Variants in CLCN7 observed in about 807,000 individuals in gnomAD.
CLCN7 encodes the protein H(+)/Cl(-) exchange transporter 7.
CLCN7 carries 60 observed loss-of-function variants against 102.1 expected under a neutral mutation model. The ratio of observed to expected loss-of-function variants is 0.59; its 90% confidence interval spans 0.48 to 0.73. CLCN7 has a LOEUF of 0.73. Ranked by LOEUF, CLCN7 falls within the 30% of genes least tolerant of loss-of-function variation. The pLI is 0.00. For missense variants in CLCN7, 962 were observed against 1,125.7 expected (o/e 0.85, Z 2.08); for synonymous variants, 560 against 490.5 (o/e 1.14, Z -1.87).
In CLCN7 at chr16:1,446,204, G is replaced by A. The variant is rs1011512218; in HGVS notation, c.*427C>T. The stretch of plus-strand genomic sequence containing the variant: ...CCCAAGTCTCGAAGACTCCACTGGT[G>A]TGGAGGCAGAGGGGCCCTTCCAGGG... On this transcript the variant is annotated 3_prime_UTR_variant, in exon 25 of 25. Coordinates refer to ENST00000382745, the MANE Select transcript of CLCN7 (RefSeq NM_001287.6). The A allele has an allele frequency of 4.8e-6, 3 of 625,850 alleles. No homozygotes were observed. The highest frequency in any genetic ancestry group is 8.5e-6 in the Non-Finnish European group (3 of 352,714). The allele number at this position is 625,850 out of a possible 1,614,324, so 38.8% of individuals were successfully genotyped here. A position where few individuals can be genotyped will look rare whatever the true frequency, so the allele number is the denominator to read the frequency against.
intron 2 of CLCN7, among the ~76,000 whole-genome samples, chr16:1,463,610 A>T (rs186921659): frequency 6.6e-6 from 1 of 152,216 alleles, no homozygotes; most frequent in Non-Finnish European, 1.5e-5. Flanking sequence ...AGTAGCTGGG[A>T]CCACAGGCGC....
Position 1,451,534 on chromosome 16 carries a change from G to C in CLCN7, c.1447+89C>G. Reference sequence around the variant, plus strand: ...AGGGATGACCCCCCAGCCCAGGGCTGCAACCTCAGCCCACAGGGGACACTC... The same window carrying C: ...AGGGATGACCCCCCAGCCCAGGGCTCCAACCTCAGCCCACAGGGGACACTC... On this transcript the variant is annotated intron_variant, in intron 16 of 24. Transcript: ENST00000382745. 2.6e-6 allele frequency: 3 copies of C among 1,139,498 alleles called. No individual in the cohort carries two copies. In the South Asian group the frequency reaches 3.8e-5, roughly 15 times the overall value. 70.6% of individuals were successfully genotyped at this position (1,139,498 alleles called of 1,614,324 possible). A position where few individuals can be genotyped will look rare whatever the true frequency, so the allele number is the denominator to read the frequency against.
intron 1 of CLCN7, chr16:1,474,264 G>T: frequency 2.2e-6 from 1 of 453,896 alleles, no homozygotes. Flanking sequence ...CGGTGCGAAG[G>T]GAGACTGAGT....
rs927892002 is a variant in CLCN7, at chr16:1,444,992, G to A, written c.*1639C>T. 2 of 152,444 alleles carry A rather than the reference G, an allele frequency of 1.3e-5. No homozygotes were observed. The highest frequency in any genetic ancestry group is 2.1e-4 in the South Asian group (1 of 4,848). 9.4% of individuals were successfully genotyped at this position (152,444 alleles called of 1,614,324 possible). A position where few individuals can be genotyped will look rare whatever the true frequency, so the allele number is the denominator to read the frequency against. ...TATATCCAAAATATGATCACTTCCA[G>A]GTCCTCAGTACACAACCACCACGAG... On this transcript the variant is annotated 3_prime_UTR_variant, in exon 25 of 25. Coordinates refer to ENST00000382745, the MANE Select transcript of CLCN7 (RefSeq NM_001287.6).
Position 1,450,583 on chromosome 16 carries a change from C to G in CLCN7, c.1531G>C (p.Ala511Pro), listed in dbSNP as rs2142371312. ...ACWTYGLTVS[A>P]GVFIPSLLIG... is the part of the protein sequence containing the mutation. ...AGCAGGGACGGGATGAAGACCCCGGCAGACACCGTGAGCCCGTAGGTCCAG... is the reference window on the plus strand; with the variant it reads ...AGCAGGGACGGGATGAAGACCCCGGGAGACACCGTGAGCCCGTAGGTCCAG... Residue 511 changes from alanine to proline, a missense_variant, in exon 17 of 25, where the codon GCC becomes CCC. Transcript: ENST00000382745. The G allele has an allele frequency of 6.2e-7, 1 of 1,612,366 alleles. No homozygotes were observed. Among genetic ancestry groups the G allele is most frequent in the Non-Finnish European group, 8.5e-7 (1 of 1,179,718 alleles).
At chr16:1,471,744 G>A (rs1033466) in intron 1 of CLCN7, 51,547 of 152,180 alleles carry the variant, frequency 0.34, 9,767 homozygotes, top group East Asian at 0.54. Context: ...GGCCATCGGC[G>A]AGTCCGATGC....
In CLCN7 at chr16:1,461,364, C is replaced by T. The variant is rs2038933218; in HGVS notation, c.351+41G>A. On this transcript the variant is annotated intron_variant, in intron 4 of 24. Coordinates refer to ENST00000382745, the MANE Select transcript of CLCN7 (RefSeq NM_001287.6). ...GCCCCAGGCCCGGCCGGCACCAGGC[C>T]CCGCACCGTGGGGCCCTGCAGGGAG... The T allele has an allele frequency of 2.0e-6, 3 of 1,531,700 alleles. No individual in the cohort carries two copies. The African/African-American group carries it at 4.1e-5, about 21-fold the overall frequency. 94.9% of individuals were successfully genotyped at this position (1,531,700 alleles called of 1,614,324 possible).
rs74002259 is a variant in CLCN7 at position 1,467,409 on chromosome 16, C to A, written c.142-2071G>T. ...CTCACAGCTTGAGTCTCCTGCCACACGGGCTGACGGTGGGAGGAGGAAGGT... is the reference window on the plus strand; with the variant it reads ...CTCACAGCTTGAGTCTCCTGCCACAAGGGCTGACGGTGGGAGGAGGAAGGT... On this transcript the variant is annotated intron_variant, in intron 1 of 24. Coordinates refer to ENST00000382745, the MANE Select transcript of CLCN7 (RefSeq NM_001287.6). Among the ~76,000 whole-genome samples, 58 of 152,276 alleles carry A rather than the reference C, an allele frequency of 3.8e-4. 1 individual carries two copies. The South Asian group carries it at 0.012, about 32-fold the overall frequency.
rs562639887 is a variant in CLCN7, at chr16:1,457,068, G to A, written c.822+186C>T. Among the ~76,000 whole-genome samples the A allele has an allele frequency of 1.8e-4, 28 of 152,284 alleles. No homozygotes were observed. The highest frequency in any genetic ancestry group is 5.5e-4 in the African/African-American group (23 of 41,554). On this transcript the variant is annotated intron_variant, in intron 9 of 24. Coordinates refer to ENST00000382745, the MANE Select transcript of CLCN7 (RefSeq NM_001287.6). The surrounding 1 kb of genome is among the most constrained non-coding windows in gnomAD (Gnocchi z 5.4). ...CAGGGGACCCAAGGAGGGAAGCAGC[G>A]GGCCGTAGGGAGGCCTTGCCGGGCA...
intron 24 of CLCN7, 33 bp from the exon 25 acceptor site, chr16:1,446,750 G>A (rs375516276): frequency 1.7e-4 from 263 of 1,532,618 alleles, no homozygotes; most frequent in Middle Eastern, 1.7e-4. Flanking sequence ...AGTGACACAC[G>A]GGTCGGCTCC....
chr16:1,460,798 C>A lies in CLCN7; in HGVS notation c.484+18G>T, dbSNP rs1297207253. 6.2e-7 allele frequency: 1 copy of A among 1,613,764 alleles called. No homozygotes were observed. Among genetic ancestry groups the A allele is most frequent in the Non-Finnish European group, 8.5e-7 (1 of 1,179,946 alleles). ...ACGCCCCCCTCCCAAGCTGCAGCGG[C>A]CGCACTGGGAAGGATACTGCCCTTG... On this transcript the variant is annotated intron_variant, in intron 5 of 24. Coordinates refer to ENST00000382745, the MANE Select transcript of CLCN7 (RefSeq NM_001287.6).
chr16:1,468,566 C>T (rs889424144), intron 1 of CLCN7, among the ~76,000 whole-genome samples: 3 of 152,190 alleles, frequency 2.0e-5, no homozygotes, highest in African/African-American at 4.8e-5. Context: ...CTGCCACACA[C>T]GGCAACCTAC....
At chr16:1,470,200 T>C (rs2039058482) in intron 1 of CLCN7, among the ~76,000 whole-genome samples, 1 of 152,262 alleles carries the variant, frequency 6.6e-6, no homozygotes, top group East Asian at 1.9e-4. Flanking sequence ...TCTTGCTATG[T>C]TGCCCAGGCT....
At chr16:1,473,411 C>T (rs13331559) in intron 1 of CLCN7, among the ~76,000 whole-genome samples, 1 of 133,230 alleles carries the variant, frequency 7.5e-6, no homozygotes, top group Non-Finnish European at 1.6e-5. Flanking sequence ...GAGTCTCGCT[C>T]TGCCCAGGCT....
At chr16:1,460,126 T>C (rs907601226) in intron 6 of CLCN7, among the ~76,000 whole-genome samples, 1 of 148,364 alleles carries the variant, frequency 6.7e-6, no homozygotes, top group East Asian at 2.0e-4. Context: ...GAGGTGGAGA[T>C]GGAAGGAGGG....
chr16:1,447,115 C>A (rs935535176), intron 23 of CLCN7, 29 bp from the exon 24 acceptor site: 2 of 1,570,316 alleles, frequency 1.3e-6, no homozygotes, highest in East Asian at 2.3e-5. Flanking sequence ...TGTCAGTGCC[C>A]GCCCACACAG....
rs8045185 is a variant in CLCN7, at chr16:1,451,374, G to T, written c.1447+249C>A. 0.5 allele frequency among the ~76,000 whole-genome samples: 76,231 copies of T among 152,042 alleles called. 19,438 individuals are homozygous for T. The highest frequency in any genetic ancestry group is 0.78 in the East Asian group (4,017 of 5,182). On this transcript the variant is annotated intron_variant, in intron 16 of 24. Coordinates refer to ENST00000382745, the MANE Select transcript of CLCN7 (RefSeq NM_001287.6). The stretch of plus-strand genomic sequence containing the variant: ...GGGTGTACTACCGTAGCCAGATAAT[G>T]TTGCTTTTTTGCAAAGACAGAGTCT...
chr16:1,452,072 C>A, intron 15 of CLCN7: 1 of 338,270 alleles, frequency 3.0e-6, no homozygotes, highest in South Asian at 2.5e-5. Flanking sequence ...AGGCTGTTGG[C>A]GCCCCGGTGC....
chr16:1,457,405 C>A lies in CLCN7; in HGVS notation c.739-68G>T. 6.9e-7 allele frequency: 1 copy of A among 1,446,362 alleles called. No individual in the cohort carries two copies. The highest frequency in any genetic ancestry group is 2.3e-5 in the East Asian group (1 of 43,608). 89.6% of individuals were successfully genotyped at this position (1,446,362 alleles called of 1,614,324 possible). A position where few individuals can be genotyped will look rare whatever the true frequency, so the allele number is the denominator to read the frequency against. On this transcript the variant is annotated intron_variant, in intron 8 of 24. Transcript: ENST00000382745. This position sits in a 1 kb window ranked among gnomAD's most constrained non-coding sequence, Gnocchi z 5.4. ...GGCCCTTCCTGGAGACCAGAAGGAC[C>A]GATGCTCAGAGACACGCGTGACGCG...
Sources: allele counts gnomAD v4.1 joint callset (sites outside exome capture counted in the v4.1 genomes callset), GRCh38; gene constraint gnomAD v4.1.1; non-coding constraint Gnocchi (gnomAD v3.1); transcripts MANE v1.5; gene names NCBI Gene and HGNC (gene_info 2026-07-23, HGNC 2026-07-21).